PDE7B: variants seen among roughly 807,000 people sequenced by gnomAD.
PDE7B encodes 3',5'-cyclic-AMP phosphodiesterase 7B.
A neutral mutation model predicts 56.2 loss-of-function variants in PDE7B; 29 were observed. The observed-to-expected ratio is 0.52, with a 90% CI of 0.38 to 0.70. The LOEUF (loss-of-function observed/expected upper bound fraction) is 0.70, where lower values mean the gene tolerates loss of function less well. Among genes scored for constraint, PDE7B ranks in the 30% least tolerant of loss-of-function variants. The probability of loss-of-function intolerance (pLI) is 0.00; values close to 1 mark genes in which losing one functional copy is unlikely to be tolerated. For missense variants in PDE7B, 490 were observed against 565.0 expected, an observed-to-expected ratio of 0.87 and a Z score of 1.35; for synonymous variants, 197 against 196.9, an observed-to-expected ratio of 1.00 and a Z score of 0.00.
chr6:136,018,174 T>C (rs1776010604), intron 2 of PDE7B, among the ~76,000 whole-genome samples: 1 of 152,160 alleles, frequency 6.6e-6, no homozygotes. Context: ...TTCAGCATGA[T>C]TGGCAGGATG....
intron 1 of PDE7B, among the ~76,000 whole-genome samples, chr6:135,898,432 G>T (rs574090745): frequency 6.6e-6 from 1 of 152,148 alleles, no homozygotes; most frequent in East Asian, 1.9e-4. Context: ...TAAGAAAATA[G>T]TGACCTGTAA....
intron 2 of PDE7B, chr6:136,034,867 C>A (rs967167092): frequency 6.6e-6 from 1 of 152,528 alleles, no homozygotes; most frequent in Non-Finnish European, 1.5e-5. Context: ...CCCAGCTCCT[C>A]AAAGTAACCT....
chr6:136,003,906 G>C (rs1775722295), intron 2 of PDE7B, among the ~76,000 whole-genome samples: 1 of 152,048 alleles, frequency 6.6e-6, no homozygotes, highest in South Asian at 2.1e-4. Flanking sequence ...CCAAAAAAGA[G>C]AATTTTAGAC....
chr6:135,863,540 G>C (rs960385036), intron 1 of PDE7B, among the ~76,000 whole-genome samples: 1 of 151,964 alleles, frequency 6.6e-6, no homozygotes, highest in Non-Finnish European at 1.5e-5. Flanking sequence ...TTGACTGGGG[G>C]GAGTGTGATT....
chr6:135,933,335 T>A (rs1357634544), intron 1 of PDE7B, among the ~76,000 whole-genome samples: 1 of 152,244 alleles, frequency 6.6e-6, no homozygotes, highest in East Asian at 1.9e-4. Context: ...CTATCAGTGA[T>A]CTCCAAGTAT....
chr6:135,868,244 C>T (rs1217777031), intron 1 of PDE7B, among the ~76,000 whole-genome samples: 1 of 151,940 alleles, frequency 6.6e-6, no homozygotes, highest in Non-Finnish European at 1.5e-5. Context: ...TTCTACATGG[C>T]AGAGGGTTCT....
chr6:135,896,216 G>T lies in PDE7B; in HGVS notation c.21+44197G>T, dbSNP rs754201397. 3.3e-5 allele frequency among the ~76,000 whole-genome samples: 5 copies of T among 152,130 alleles called. No homozygotes were observed. The South Asian group carries it at 8.3e-4, about 25-fold the overall frequency. ...GCTGATGAACTCAATCTAGTGAAAA[G>T]CACAAGTAGCAAGGTGGATTAGGGC... On this transcript the variant is annotated intron_variant, in intron 1 of 12. Transcript: ENST00000308191.
At chr6:136,159,572 T>TGA (rs1473650970) in intron 8 of PDE7B, among the ~76,000 whole-genome samples, 4 of 152,332 alleles carry the variant, frequency 2.6e-5, no homozygotes, top group African/African-American at 9.6e-5. Context: ...TCTATTCCAC[T>TGA]GAGACCTCCT....
chr6:136,108,978 C>T (rs932907817), intron 3 of PDE7B, among the ~76,000 whole-genome samples, 164 bp downstream of exon 3: 4 of 152,162 alleles, frequency 2.6e-5, no homozygotes, highest in Non-Finnish European at 5.9e-5. Flanking sequence ...AGTTTCCTCA[C>T]AAGTGAAGTA....
chr6:136,166,712 C>T (rs1488078801), intron 8 of PDE7B, among the ~76,000 whole-genome samples: 1 of 152,152 alleles, frequency 6.6e-6, no homozygotes, highest in East Asian at 1.9e-4. Flanking sequence ...GGCCTCACCT[C>T]CACTATTGGG....
At chr6:135,905,375 TGTGTGA>T (rs1776080819) in intron 1 of PDE7B, among the ~76,000 whole-genome samples, 1 of 150,032 alleles carries the variant, frequency 6.7e-6, no homozygotes, top group South Asian at 2.1e-4. Flanking sequence ...TGTGTGTGTG[TGTGTGA>T]ATACATTTTT....
At chr6:136,092,457 T>C (rs1777404079) in intron 2 of PDE7B, among the ~76,000 whole-genome samples, 1 of 152,132 alleles carries the variant, frequency 6.6e-6, no homozygotes, top group Non-Finnish European at 1.5e-5. Context: ...GCAGATTCAG[T>C]TTTTTAAAAA....
At chr6:136,173,952 G>T in intron 9 of PDE7B, 64 bp downstream of exon 9, 1 of 1,165,212 alleles carries the variant, frequency 8.6e-7, no homozygotes, top group South Asian at 1.2e-5. Flanking sequence ...CTTTCTCTAG[G>T]GCAGGCTTGG....
chr6:136,138,250 A>G (rs1047687043), intron 3 of PDE7B, among the ~76,000 whole-genome samples: 1 of 152,142 alleles, frequency 6.6e-6, no homozygotes, highest in African/African-American at 2.4e-5. Flanking sequence ...ATACATTATC[A>G]AAGTAAATAT....
chr6:136,115,404 TA>T (rs1777813565), intron 3 of PDE7B, among the ~76,000 whole-genome samples: 1 of 152,078 alleles, frequency 6.6e-6, no homozygotes, highest in South Asian at 2.1e-4. Context: ...CATTATAAAA[TA>T]CGCTTTAAGA....
chr6:136,145,794 G>A (rs1202393604), intron 3 of PDE7B, among the ~76,000 whole-genome samples: 1 of 152,042 alleles, frequency 6.6e-6, no homozygotes, highest in Non-Finnish European at 1.5e-5. Context: ...TAAAGTCAAG[G>A]TAGAGTCTAG....
chr6:136,112,839 CA>C (rs1006939386), intron 3 of PDE7B, among the ~76,000 whole-genome samples: 13 of 152,258 alleles, frequency 8.5e-5, no homozygotes, highest in Admixed American at 2.0e-4. Flanking sequence ...GAGGGAAACA[CA>C]GTACTACCAA....
chr6:136,025,323 A>G (rs1165621943), intron 2 of PDE7B, among the ~76,000 whole-genome samples: 1 of 152,244 alleles, frequency 6.6e-6, no homozygotes, highest in African/African-American at 2.4e-5. Flanking sequence ...AAAATGCTAA[A>G]TAAAATAAAA....
intron 1 of PDE7B, among the ~76,000 whole-genome samples, chr6:135,893,145 G>T (rs1413646805): frequency 6.6e-6 from 1 of 151,666 alleles, no homozygotes; most frequent in African/African-American, 2.4e-5. Context: ...GTATACATGT[G>T]CCATGTTGGT....
Sources: allele counts gnomAD v4.1 joint callset (sites outside exome capture counted in the v4.1 genomes callset), GRCh38; gene constraint gnomAD v4.1.1; transcripts MANE v1.5; gene names NCBI Gene and HGNC (gene_info 2026-07-23, HGNC 2026-07-21).